Variants in HDAC9 observed in about 807,000 individuals in gnomAD.
The protein encoded by HDAC9 is histone deacetylase 9, also known as MEF-2 interacting transcription repressor (MITR) protein.
A neutral mutation model predicts 139.4 loss-of-function variants in HDAC9; 41 were observed. The observed-to-expected ratio is 0.29, with a 90% CI of 0.23 to 0.38. HDAC9 has a LOEUF of 0.38. Among genes scored for constraint, HDAC9 ranks in the 10% least tolerant of loss-of-function variants. The pLI is 1.00. For synonymous variants in HDAC9, 517 were observed against 476.2 expected (o/e 1.09, Z -1.12); for missense variants, 1,147 against 1,297.0 (o/e 0.88, Z 1.78).
At chr7:18,847,033 G>C (rs568417717) in intron 21 of HDAC9, among the ~76,000 whole-genome samples, 4 of 152,280 alleles carry the variant, frequency 2.6e-5, no homozygotes, top group Non-Finnish European at 5.9e-5. Context: ...AGTTCTAAAA[G>C]TGTTCGCCAC....
At chr7:18,460,762 T>C (rs1479409893) in intron 1 of HDAC9, among the ~76,000 whole-genome samples, 2 of 125,860 alleles carry the variant, frequency 1.6e-5, no homozygotes, top group Non-Finnish European at 3.1e-5. Context: ...CATTCCAGCC[T>C]GGACAACAAG....
At chr7:18,327,006 A>G (rs1800500652) in intron 1 of HDAC9, among the ~76,000 whole-genome samples, 1 of 151,888 alleles carries the variant, frequency 6.6e-6, no homozygotes, top group Non-Finnish European at 1.5e-5. Flanking sequence ...AGTTGAAGGA[A>G]TTCTTTTTTT....
At chr7:18,891,082 G>C (rs1800640780) in intron 22 of HDAC9, among the ~76,000 whole-genome samples, 1 of 152,154 alleles carries the variant, frequency 6.6e-6, no homozygotes, top group Admixed American at 6.5e-5. Flanking sequence ...AGAATGAGCT[G>C]CCAGCTCTGT....
intron 22 of HDAC9, among the ~76,000 whole-genome samples, chr7:18,880,562 A>G (rs1019476252): frequency 2.0e-5 from 3 of 152,168 alleles, no homozygotes; most frequent in African/African-American, 7.2e-5. Context: ...ATGTAAAACC[A>G]AATACTGTGT....
Position 18,269,177 on chromosome 7 carries a change from A to T in HDAC9, c.25+106828A>T, listed in dbSNP as rs187085244. Among the ~76,000 whole-genome samples the T allele has an allele frequency of 3.6e-3, 541 of 152,266 alleles. 13 individuals carry two copies. Among genetic ancestry groups the T allele is most frequent in the Admixed American group, 0.034 (523 of 15,278 alleles). On this transcript the variant is annotated intron_variant, in intron 2 of 12. Transcript: ENST00000417496. The stretch of plus-strand genomic sequence containing the variant: ...AAATTCATGATTATTTGTTTTGCAG[A>T]TATACACACATATATACATACACAT...
intron 6 of HDAC9, among the ~76,000 whole-genome samples, chr7:18,597,290 G>A (rs1832767816): frequency 6.6e-6 from 1 of 152,028 alleles, no homozygotes; most frequent in Non-Finnish European, 1.5e-5. Flanking sequence ...AATAACAATT[G>A]TTTTTAATTT....
In HDAC9 at chr7:18,874,599, A is replaced by G. The variant is rs777130943; in HGVS notation, c.2803+3A>G. The G allele has an allele frequency of 3.3e-6, 5 of 1,529,358 alleles. No homozygotes were observed. The highest frequency in any genetic ancestry group is 1.7e-4 in the Middle Eastern group (1 of 5,934). 94.7% of individuals were successfully genotyped at this position (1,529,358 alleles called of 1,614,324 possible). A position where few individuals can be genotyped will look rare whatever the true frequency, so the allele number is the denominator to read the frequency against. ...AGGGTACAAAGTGACGGCAAAATGT[A>G]AGTACCTCTTTCAGGACTTTACGAA... On this transcript the variant is annotated splice_donor_region_variant and intron_variant, in intron 22 of 25. Coordinates refer to ENST00000686413, the MANE Select transcript of HDAC9 (RefSeq NM_178425.4).
At chr7:18,943,406 C>T (rs1376089866) in intron 23 of HDAC9, among the ~76,000 whole-genome samples, 1 of 152,066 alleles carries the variant, frequency 6.6e-6, no homozygotes, top group Non-Finnish European at 1.5e-5. Context: ...TTCCAATTGA[C>T]CGCTATGCCT....
At chr7:18,313,148 G>A (rs1337419898) in intron 1 of HDAC9, among the ~76,000 whole-genome samples, 2 of 151,992 alleles carry the variant, frequency 1.3e-5, no homozygotes, top group South Asian at 2.1e-4. Context: ...CTGAGTTTTC[G>A]GTCACCCATG....
chr7:18,383,323 G>T (rs942361104), intron 1 of HDAC9, among the ~76,000 whole-genome samples: 2 of 152,184 alleles, frequency 1.3e-5, no homozygotes, highest in East Asian at 1.9e-4. Context: ...ACATTCACTA[G>T]TAATTGATGT....
intron 17 of HDAC9, among the ~76,000 whole-genome samples, chr7:18,827,546 A>G (rs1001401593): frequency 6.6e-6 from 1 of 152,152 alleles, no homozygotes; most frequent in Non-Finnish European, 1.5e-5. Flanking sequence ...GGGTAGAAAA[A>G]TGGCTTCTCT....
intron 16 of HDAC9, among the ~76,000 whole-genome samples, chr7:18,773,214 T>G (rs979809408): frequency 6.6e-6 from 1 of 152,040 alleles, no homozygotes; most frequent in African/African-American, 2.4e-5. Context: ...AATACTTCAT[T>G]TTCTTATTTA....
intron 6 of HDAC9, among the ~76,000 whole-genome samples, chr7:18,620,230 T>G (rs1314585189): frequency 6.6e-6 from 1 of 151,988 alleles, no homozygotes; most frequent in African/African-American, 2.4e-5. Context: ...CTCAATATTA[T>G]TATTCAATAG....
At position 18,616,586 on chromosome 7, in the gene HDAC9, T is replaced by C. The variant is rs781075186; in HGVS notation, c.665-12764T>C. Among the ~76,000 whole-genome samples, 8 of 152,340 alleles carry C rather than the reference T, an allele frequency of 5.3e-5. No individual in the cohort carries two copies. The East Asian group carries it at 1.5e-3, about 29-fold the overall frequency. On this transcript the variant is annotated intron_variant, in intron 6 of 25. Coordinates refer to ENST00000686413, the MANE Select transcript of HDAC9 (RefSeq NM_178425.4). ...AATGTATGATATAGTTCAGTAAAGT[T>C]ATAAATGCTATTGAGGTAGAATTGA...
chr7:18,278,763 A>G (rs897380708), intron 2 of HDAC9, among the ~76,000 whole-genome samples: 3 of 152,192 alleles, frequency 2.0e-5, no homozygotes, highest in Non-Finnish European at 2.9e-5. Context: ...ATTTATGCAT[A>G]TGAAGGGAGA....
chr7:18,573,856 G>C (rs1387227565), intron 2 of HDAC9, among the ~76,000 whole-genome samples: 1 of 152,192 alleles, frequency 6.6e-6, no homozygotes, highest in Non-Finnish European at 1.5e-5. Flanking sequence ...CAGCCCCCTG[G>C]CTCAGGGAGC....
rs187653058 is a variant in HDAC9, at chr7:18,849,564, G to C, written c.2684+13567G>C. 4.1e-3 allele frequency among the ~76,000 whole-genome samples: 621 copies of C among 152,242 alleles called. 5 individuals are homozygous for C. The highest frequency in any genetic ancestry group is 4.3e-3 in the Non-Finnish European group (293 of 68,002). On this transcript the variant is annotated intron_variant, in intron 21 of 25. Transcript: ENST00000686413. ...ATCAGATATGACACATAAAAAAGATGGCTTTGGTTTTTTAAAAACTCTTAC... is the reference window on the plus strand; with the variant it reads ...ATCAGATATGACACATAAAAAAGATCGCTTTGGTTTTTTAAAAACTCTTAC...
At chr7:18,899,706 A>C (rs965547895) in intron 22 of HDAC9, among the ~76,000 whole-genome samples, 1 of 151,960 alleles carries the variant, frequency 6.6e-6, no homozygotes, top group Admixed American at 6.6e-5. Flanking sequence ...TATTCAATGT[A>C]ATTTGTTATT....
At chr7:18,091,830 C>A (rs976242156) in intron 1 of HDAC9, among the ~76,000 whole-genome samples, 2 of 152,218 alleles carry the variant, frequency 1.3e-5, no homozygotes, top group Non-Finnish European at 2.9e-5. Context: ...CCTCCATTTT[C>A]TTGCTGGCTG....
Sources: allele counts gnomAD v4.1 joint callset (sites outside exome capture counted in the v4.1 genomes callset), GRCh38; gene constraint gnomAD v4.1.1; transcripts MANE v1.5; gene names NCBI Gene and HGNC (gene_info 2026-07-23, HGNC 2026-07-21).